SLC15A5: variants seen among roughly 807,000 people sequenced by gnomAD.
SLC15A5 encodes the protein Peptide/histidine transporter ENSP00000340402.
In SLC15A5, 58 loss-of-function variants were observed where a neutral mutation model predicts 56.1. The ratio of observed to expected loss-of-function variants is 1.03; its 90% CI spans 0.84 to 1.29. The LOEUF (loss-of-function observed/expected upper bound fraction) is 1.29. Among genes scored for constraint, SLC15A5 ranks in the 50% most tolerant of loss-of-function variants. The pLI is 0.00. For missense variants in SLC15A5, 681 were observed against 672.1 expected (o/e 1.01, Z -0.15); for synonymous variants, 264 against 250.5 (o/e 1.05, Z -0.51).
At chr12:16,218,763 T>C (rs1864156548) in intron 6 of SLC15A5, among the ~76,000 whole-genome samples, 1 of 152,224 alleles carries the variant, frequency 6.6e-6, no homozygotes, top group South Asian at 2.1e-4. Flanking sequence ...CTGTAAACAC[T>C]AAACATTTAG....
intron 7 of SLC15A5, among the ~76,000 whole-genome samples, chr12:16,200,242 A>G (rs1255151825): frequency 6.6e-6 from 1 of 151,222 alleles, no homozygotes; most frequent in African/African-American, 2.4e-5. Context: ...GACAAAGACA[A>G]AAAATACTGG....
chr12:16,255,140 A>G (rs1420529834), intron 3 of SLC15A5, among the ~76,000 whole-genome samples: 1 of 152,110 alleles, frequency 6.6e-6, no homozygotes, highest in Non-Finnish European at 1.5e-5. Flanking sequence ...GCTACAATAA[A>G]TAGTCCTGAT....
rs964356425 is a variant in SLC15A5, at chr12:16,272,883, G to A, written c.362-100C>T. ...TTTTCTCTGACAGTGGCATCATTTT[G>A]TGATTGTCTTATCCAAACATTTATG... On this transcript the variant is annotated intron_variant, in intron 1 of 8. Transcript: ENST00000344941. The A allele has an allele frequency of 2.1e-5, 21 of 1,013,340 alleles. No individual in the cohort carries two copies. In the African/African-American group the frequency reaches 3.1e-4, roughly 15 times the overall value. 62.8% of individuals were successfully genotyped at this position (1,013,340 alleles called of 1,614,324 possible). A position where few individuals can be genotyped will look rare whatever the true frequency, so the allele number is the denominator to read the frequency against.
At chr12:16,203,025 A>G (rs1399790689) in intron 7 of SLC15A5, among the ~76,000 whole-genome samples, 1 of 152,060 alleles carries the variant, frequency 6.6e-6, no homozygotes, top group Non-Finnish European at 1.5e-5. Flanking sequence ...TTTGAGTTAG[A>G]CAGGAGGAAT....
chr12:16,250,515 A>G (rs2136797914), intron 3 of SLC15A5, among the ~76,000 whole-genome samples: 1 of 152,172 alleles, frequency 6.6e-6, no homozygotes, highest in African/African-American at 2.4e-5. Context: ...ATATGTTACG[A>G]ATTAAGGTCT....
rs539770080 is a variant in SLC15A5 at position 16,225,845 on chromosome 12, C to T, written c.1163-1243G>A. Among the ~76,000 whole-genome samples, 8 of 152,286 alleles carry T rather than the reference C, an allele frequency of 5.3e-5. 1 individual carries two copies. Among genetic ancestry groups the T allele is most frequent in the African/African-American group, 1.4e-4 (6 of 41,568 alleles). On this transcript the variant is annotated intron_variant, in intron 5 of 8. Transcript: ENST00000344941. ...TGTTTCCTCAACATTTGTTTGCCCTCGGGATATCCAGACGCCAGTGATCTG... is the reference window on the plus strand; with the variant it reads ...TGTTTCCTCAACATTTGTTTGCCCTTGGGATATCCAGACGCCAGTGATCTG...
chr12:16,212,155 G>T (rs146435200), intron 7 of SLC15A5, among the ~76,000 whole-genome samples: 1 of 152,098 alleles, frequency 6.6e-6, no homozygotes, highest in Admixed American at 6.5e-5. Flanking sequence ...AAAAAAATTT[G>T]TCTGATTGTT....
At chr12:16,252,072 C>G (rs1025255724) in intron 3 of SLC15A5, among the ~76,000 whole-genome samples, 3 of 152,022 alleles carry the variant, frequency 2.0e-5, no homozygotes, top group Non-Finnish European at 4.4e-5. Flanking sequence ...ACATGATCAT[C>G]TCAATGGATG....
intron 4 of SLC15A5, among the ~76,000 whole-genome samples, chr12:16,242,024 T>C (rs1045876039): frequency 2.5e-4 from 38 of 152,336 alleles, no homozygotes; most frequent in African/African-American, 9.1e-4. Flanking sequence ...TCAGAAATAA[T>C]TGCTGTCAAT....
chr12:16,238,247 A>G (rs1293876510), intron 5 of SLC15A5, among the ~76,000 whole-genome samples: 1 of 152,210 alleles, frequency 6.6e-6, no homozygotes, highest in Non-Finnish European at 1.5e-5. Context: ...GGAAACACAC[A>G]CAATGAAATG....
At chr12:16,198,000 C>T (rs3847919) in intron 7 of SLC15A5, among the ~76,000 whole-genome samples, 7 of 151,936 alleles carry the variant, frequency 4.6e-5, no homozygotes, top group Admixed American at 2.0e-4. Flanking sequence ...TTCTCCAGAT[C>T]GCAGGATAGC....
At chr12:16,231,635 C>G (rs1211701770) in intron 5 of SLC15A5, among the ~76,000 whole-genome samples, 1 of 152,212 alleles carries the variant, frequency 6.6e-6, no homozygotes, top group East Asian at 1.9e-4. Flanking sequence ...GTCTCCAATT[C>G]TATCCCCATG....
At chr12:16,198,566 G>T (rs768850714) in intron 7 of SLC15A5, among the ~76,000 whole-genome samples, 1 of 152,064 alleles carries the variant, frequency 6.6e-6, no homozygotes, top group Non-Finnish European at 1.5e-5. Context: ...GGTGTTTAAT[G>T]CAACTACCAC....
Position 16,224,406 on chromosome 12 carries a change from T to G in SLC15A5, c.1351+8A>C. ...GTTCTAACATTAGTTGAAAAGGTGT[T>G]TACTCACGGGCTGGGTTTACCAGTG... On this transcript the variant is annotated splice_region_variant and intron_variant, in intron 6 of 8. Transcript: ENST00000344941. The G allele has an allele frequency of 6.5e-7, 1 of 1,536,656 alleles. No homozygotes were observed. Among genetic ancestry groups the G allele is most frequent in the Non-Finnish European group, 8.7e-7 (1 of 1,146,550 alleles).
chr12:16,241,993 T>G (rs1453658297), intron 4 of SLC15A5, among the ~76,000 whole-genome samples: 2 of 152,216 alleles, frequency 1.3e-5, no homozygotes, highest in African/African-American at 4.8e-5. Flanking sequence ...ATACTTTTAT[T>G]TCATCCAAGC....
At chr12:16,201,065 C>A (rs150594636) in intron 7 of SLC15A5, among the ~76,000 whole-genome samples, 279 of 152,102 alleles carry the variant, frequency 1.8e-3, no homozygotes, top group Non-Finnish European at 3.1e-3. Flanking sequence ...AAAACTCTTA[C>A]GGAAATGAGA....
chr12:16,254,539 G>T (rs887346268), intron 3 of SLC15A5, among the ~76,000 whole-genome samples: 1 of 151,986 alleles, frequency 6.6e-6, no homozygotes, highest in Non-Finnish European at 1.5e-5. Context: ...TCCTTTTTAT[G>T]GCTGAATAGT....
At chr12:16,275,021 G>A (rs544659483) in intron 1 of SLC15A5, among the ~76,000 whole-genome samples, 1 of 152,168 alleles carries the variant, frequency 6.6e-6, no homozygotes, top group Non-Finnish European at 1.5e-5. Flanking sequence ...ACCATGATGT[G>A]TCATACCCCC....
intron 7 of SLC15A5, among the ~76,000 whole-genome samples, chr12:16,212,561 G>C (rs562794532): frequency 7.4e-4 from 112 of 152,280 alleles, no homozygotes; most frequent in Non-Finnish European, 1.0e-3. Context: ...TTTAGTGAAT[G>C]ATGGAGAAGT....
Sources: allele counts gnomAD v4.1 joint callset (sites outside exome capture counted in the v4.1 genomes callset), GRCh38; gene constraint gnomAD v4.1.1; transcripts MANE v1.5; gene names NCBI Gene and HGNC (gene_info 2026-07-23, HGNC 2026-07-21).